PIP4K2A: variants seen among roughly 807,000 people sequenced by gnomAD.
PIP4K2A encodes the protein phosphatidylinositol-5-phosphate 4-kinase type 2 alpha.
Under a neutral mutation model 42.9 loss-of-function variants are expected in PIP4K2A, and 14 were observed. That is an observed-to-expected ratio of 0.33 (90% CI 0.22 to 0.51). PIP4K2A has a LOEUF of 0.51. Ranked by LOEUF, PIP4K2A falls within the 20% of genes least tolerant of loss-of-function variation. PIP4K2A has a pLI of 0.97. For missense variants in PIP4K2A, 434 were observed against 519.8 expected (o/e 0.83, Z 1.61); for synonymous variants, 192 against 192.2 (o/e 1.00, Z 0.01).
At chr10:22,700,905 T>C (rs552508965) in intron 1 of PIP4K2A, among the ~76,000 whole-genome samples, 2 of 152,150 alleles carry the variant, frequency 1.3e-5, no homozygotes, top group Admixed American at 6.5e-5. Flanking sequence ...AATAAGAACA[T>C]GTCCATAAGA....
intron 1 of PIP4K2A, among the ~76,000 whole-genome samples, chr10:22,701,195 A>G (rs775879559): frequency 7.9e-5 from 12 of 152,222 alleles, no homozygotes; most frequent in Non-Finnish European, 1.5e-4. Context: ...GGGCAGGGGT[A>G]TCCCGCCAGA....
chr10:22,601,422 G>A (rs1837773267), intron 3 of PIP4K2A, among the ~76,000 whole-genome samples: 1 of 152,148 alleles, frequency 6.6e-6, no homozygotes, highest in African/African-American at 2.4e-5. Context: ...TGACCCTGAT[G>A]GGCTGTGAGG....
chr10:22,627,377 AT>A (rs1369428755), intron 1 of PIP4K2A, among the ~76,000 whole-genome samples: 1 of 152,014 alleles, frequency 6.6e-6, no homozygotes, highest in African/African-American at 2.4e-5. Context: ...TCACACACAT[AT>A]TCCTAGGAAC....
intron 1 of PIP4K2A, among the ~76,000 whole-genome samples, chr10:22,672,385 A>T (rs945187004): frequency 3.3e-5 from 5 of 152,212 alleles, no homozygotes; most frequent in Non-Finnish European, 5.9e-5. Flanking sequence ...ACTTCCAAAG[A>T]ATTAAAAAAA....
chr10:22,577,831 CA>C (rs1837160326), intron 4 of PIP4K2A, among the ~76,000 whole-genome samples: 1 of 152,158 alleles, frequency 6.6e-6, no homozygotes, highest in Non-Finnish European at 1.5e-5. Flanking sequence ...ATTAAAGCAA[CA>C]AAAACAAAAC....
chr10:22,674,386 G>C (rs1013649094), intron 1 of PIP4K2A, among the ~76,000 whole-genome samples: 3 of 109,078 alleles, frequency 2.8e-5, no homozygotes, highest in African/African-American at 1.1e-4. Context: ...GGTGATCAGA[G>C]AAGAGACAAG....
intron 1 of PIP4K2A, among the ~76,000 whole-genome samples, chr10:22,645,686 A>ATTT (rs200780978): frequency 6.9e-6 from 1 of 144,756 alleles, no homozygotes; most frequent in African/African-American, 2.5e-5. Flanking sequence ...ATAGTACTTA[A>ATTT]TTTTTTTTTT....
chr10:22,567,932 T>C lies in PIP4K2A; in HGVS notation c.640-43A>G, dbSNP rs7894486. The C allele has an allele frequency of 2.7e-3, 4,267 of 1,570,150 alleles. 92 individuals carry two copies. In the African/African-American group the frequency reaches 0.049, roughly 18 times the overall value. The stretch of plus-strand genomic sequence containing the variant: ...AATAAAAACATGCGCATGGGAGGCA[T>C]TGGGTTTCACACGCAGAAAATATGA... On this transcript the variant is annotated intron_variant, in intron 5 of 9. Coordinates refer to ENST00000376573, the MANE Select transcript of PIP4K2A (RefSeq NM_005028.5).
At chr10:22,700,523 T>C (rs1047066159) in intron 1 of PIP4K2A, among the ~76,000 whole-genome samples, 17 of 152,158 alleles carry the variant, frequency 1.1e-4, no homozygotes, top group Non-Finnish European at 1.9e-4. Flanking sequence ...GGGCAGCTGC[T>C]AGCACACAGG....
intron 2 of PIP4K2A, among the ~76,000 whole-genome samples, chr10:22,609,097 A>G (rs962852888): frequency 8.5e-5 from 13 of 152,234 alleles, no homozygotes; most frequent in Non-Finnish European, 1.6e-4. Flanking sequence ...CGTGTCTTCT[A>G]TATCATTGCA....
At chr10:22,625,963 G>T (rs1218870406) in intron 1 of PIP4K2A, among the ~76,000 whole-genome samples, 1 of 152,020 alleles carries the variant, frequency 6.6e-6, no homozygotes, top group East Asian at 1.9e-4. Flanking sequence ...TCTGATAAAG[G>T]CCTGTGCTTA....
chr10:22,537,518 A>C (rs993036650), intron 9 of PIP4K2A, among the ~76,000 whole-genome samples: 1 of 152,120 alleles, frequency 6.6e-6, no homozygotes, highest in Non-Finnish European at 1.5e-5. Flanking sequence ...GGAGCACCAG[A>C]TGCTACCACA....
At chr10:22,573,516 A>G (rs1837039123) in intron 4 of PIP4K2A, 59 bp from the exon 5 acceptor site, 1 of 1,459,184 alleles carries the variant, frequency 6.9e-7, no homozygotes, top group African/African-American at 1.4e-5. Context: ...GCTTCCTTAG[A>G]TGTAAAATAC....
intron 5 of PIP4K2A, among the ~76,000 whole-genome samples, chr10:22,568,240 G>C (rs1038885676): frequency 1.3e-5 from 2 of 152,200 alleles, no homozygotes; most frequent in African/African-American, 4.8e-5. Flanking sequence ...TTTACTCCTT[G>C]TATCAACTGC....
At chr10:22,559,063 G>A (rs2130775155) in intron 6 of PIP4K2A, among the ~76,000 whole-genome samples, 1 of 152,304 alleles carries the variant, frequency 6.6e-6, no homozygotes, top group Admixed American at 6.5e-5. Context: ...CTACGGGATG[G>A]CTTCGTTCCA....
chr10:22,567,336 C>T (rs530706394), intron 6 of PIP4K2A, among the ~76,000 whole-genome samples: 1 of 152,188 alleles, frequency 6.6e-6, no homozygotes, highest in Non-Finnish European at 1.5e-5. Context: ...ATGCAGTCTT[C>T]TTATCCTTAA....
intron 1 of PIP4K2A, among the ~76,000 whole-genome samples, chr10:22,652,911 T>C (rs1839022417): frequency 1.3e-5 from 2 of 151,980 alleles, no homozygotes; most frequent in South Asian, 4.2e-4. Context: ...CTGAGTAACA[T>C]AATGAGACCC....
chr10:22,600,758 C>G (rs1408235159), intron 3 of PIP4K2A, among the ~76,000 whole-genome samples: 1 of 152,052 alleles, frequency 6.6e-6, no homozygotes, highest in African/African-American at 2.4e-5. Context: ...GGTCCTCTGA[C>G]CCCGCCAGAG....
intron 1 of PIP4K2A, among the ~76,000 whole-genome samples, chr10:22,660,510 A>T (rs1220956365): frequency 6.7e-6 from 1 of 150,190 alleles, no homozygotes; most frequent in Non-Finnish European, 1.5e-5. Flanking sequence ...TGAATCCTGA[A>T]TTTTTTTTTT....
Sources: allele counts gnomAD v4.1 joint callset (sites outside exome capture counted in the v4.1 genomes callset), GRCh38; gene constraint gnomAD v4.1.1; transcripts MANE v1.5; gene names NCBI Gene and HGNC (gene_info 2026-07-23, HGNC 2026-07-21).